Variants in KHDRBS2 observed in about 807,000 individuals in gnomAD.
KHDRBS2 encodes the protein KH domain-containing, RNA-binding, signal transduction-associated protein 2.
A neutral mutation model predicts 44.3 loss-of-function variants in KHDRBS2; 26 were observed. That is an observed-to-expected ratio of 0.59 (90% CI 0.43 to 0.81). The LOEUF is 0.81. Ranked by LOEUF, KHDRBS2 falls within the 40% of genes least tolerant of loss-of-function variation. The pLI is 0.00. For missense variants in KHDRBS2, 476 were observed against 433.1 expected (o/e 1.10, Z -0.88); for synonymous variants, 194 against 151.1 (o/e 1.28, Z -2.08).
At chr6:61,780,377 G>A (rs1782752643) in intron 6 of KHDRBS2, among the ~76,000 whole-genome samples, 1 of 152,104 alleles carries the variant, frequency 6.6e-6, no homozygotes, top group African/African-American at 2.4e-5. Context: ...GCGTGTGCCT[G>A]TAGTCCCAGC....
intron 6 of KHDRBS2, among the ~76,000 whole-genome samples, chr6:61,744,759 T>C (rs1776630708): frequency 6.6e-6 from 1 of 152,116 alleles, no homozygotes; most frequent in African/African-American, 2.4e-5. Flanking sequence ...TAGAGTTCTA[T>C]ATAACATTTT....
At chr6:61,966,469 C>G (rs1769965159) in intron 4 of KHDRBS2, among the ~76,000 whole-genome samples, 1 of 151,898 alleles carries the variant, frequency 6.6e-6, no homozygotes, top group South Asian at 2.1e-4. Flanking sequence ...TTCCCTGGAC[C>G]TCTGTTGTCC....
At chr6:61,596,782 G>T in the KHDRBS2 span, among the ~76,000 whole-genome samples, 93,503 of 151,892 alleles carry the variant, frequency 0.62, 29,005 homozygotes, top group Non-Finnish European at 0.65. Context: ...CTCCTGAGTA[G>T]CTGGGACTAC....
chr6:61,669,103 A>T, the KHDRBS2 span, among the ~76,000 whole-genome samples: 7 of 151,054 alleles, frequency 4.6e-5, no homozygotes, highest in Non-Finnish European at 7.4e-5. Flanking sequence ...AAATAGGCAA[A>T]TATAGACAGG....
At chr6:61,979,580 A>G (rs1468270181) in intron 3 of KHDRBS2, among the ~76,000 whole-genome samples, 3 of 152,150 alleles carry the variant, frequency 2.0e-5, no homozygotes, top group African/African-American at 4.8e-5. Flanking sequence ...GTTCCTGTAT[A>G]TATACCCTTC....
intron 3 of KHDRBS2, among the ~76,000 whole-genome samples, chr6:62,018,229 A>T (rs1286580423): frequency 2.0e-5 from 3 of 151,060 alleles, no homozygotes; most frequent in Non-Finnish European, 4.4e-5. Context: ...ATATTTACGT[A>T]AATATACATC....
chr6:61,807,377 T>A (rs1486425032), intron 6 of KHDRBS2, among the ~76,000 whole-genome samples: 6 of 152,168 alleles, frequency 3.9e-5, no homozygotes, highest in Non-Finnish European at 8.8e-5. Flanking sequence ...ACAGGTATGT[T>A]CATTGTAGCA....
intron 2 of KHDRBS2, among the ~76,000 whole-genome samples, chr6:62,114,018 C>T (rs1805623406): frequency 1.3e-5 from 2 of 152,022 alleles, no homozygotes; most frequent in East Asian, 1.9e-4. Flanking sequence ...CACAAGGCGG[C>T]AGGAGAGATA....
intron 1 of KHDRBS2, among the ~76,000 whole-genome samples, chr6:62,260,856 C>T (rs888520190): frequency 1.3e-5 from 2 of 151,616 alleles, no homozygotes; most frequent in African/African-American, 4.8e-5. Context: ...ATATAAGAAC[C>T]GGGCAAAATT....
intron 6 of KHDRBS2, among the ~76,000 whole-genome samples, chr6:61,846,743 G>A (rs1745074665): frequency 6.6e-6 from 1 of 151,582 alleles, no homozygotes; most frequent in African/African-American, 2.4e-5. Flanking sequence ...GAAACACTGT[G>A]GAATTTGGTA....
In KHDRBS2 at chr6:61,941,090, G is replaced by A. The variant is rs948049228; in HGVS notation, c.483+36976C>T. 5.3e-5 allele frequency among the ~76,000 whole-genome samples: 8 copies of A among 152,260 alleles called. No homozygotes were observed. In the South Asian group the frequency reaches 1.0e-3, roughly 20 times the overall value. On this transcript the variant is annotated intron_variant, in intron 4 of 8. Coordinates refer to ENST00000281156, the MANE Select transcript of KHDRBS2 (RefSeq NM_152688.4). The stretch of plus-strand genomic sequence containing the variant: ...CAATTGGGGGCCTGAGAACAAGCCC[G>A]CCCAGCTTGGCTTTGCCATAGCCCT...
In KHDRBS2 at chr6:61,829,536, C is replaced by G. The variant is rs149170264; in HGVS notation, c.810+65099G>C. 2.8e-4 allele frequency among the ~76,000 whole-genome samples: 42 copies of G among 151,798 alleles called. No homozygotes were observed. In the East Asian group the frequency reaches 7.2e-3, roughly 26 times the overall value. ...AAACTGAATTGAGCAAAAGATTAGC[C>G]CAAGAAGCTTAGATGGTAAAAAAAA... is the stretch of plus-strand genomic sequence containing the variant. On this transcript the variant is annotated intron_variant, in intron 6 of 8. Transcript: ENST00000281156.
intron 2 of KHDRBS2, among the ~76,000 whole-genome samples, chr6:62,065,793 A>G (rs932101612): frequency 4.6e-5 from 7 of 151,256 alleles, no homozygotes; most frequent in Non-Finnish European, 5.9e-5. Flanking sequence ...AAAAAAAAAA[A>G]GAATGATCCA....
intron 2 of KHDRBS2, among the ~76,000 whole-genome samples, chr6:62,130,086 C>T (rs1408152123): frequency 1.3e-5 from 2 of 152,062 alleles, no homozygotes; most frequent in Non-Finnish European, 2.9e-5. Flanking sequence ...CCAAAATGCT[C>T]AGAAGGGACA....
chr6:62,091,294 A>G (rs1397355038), intron 2 of KHDRBS2, among the ~76,000 whole-genome samples: 1 of 148,322 alleles, frequency 6.7e-6, no homozygotes, highest in Non-Finnish European at 1.5e-5. Context: ...TTTATTTTTC[A>G]TTAGATTATG....
At chr6:61,674,586 T>C in the KHDRBS2 span, among the ~76,000 whole-genome samples, 2 of 151,862 alleles carry the variant, frequency 1.3e-5, no homozygotes, top group Admixed American at 6.6e-5. Context: ...ACCAGAAGAT[T>C]CCACTATCAT....
the KHDRBS2 span, among the ~76,000 whole-genome samples, chr6:61,640,793 A>G: frequency 6.6e-6 from 1 of 152,198 alleles, no homozygotes; most frequent in Admixed American, 6.6e-5. Context: ...TTGAATAGAC[A>G]TACCAGAGAT....
the KHDRBS2 span, among the ~76,000 whole-genome samples, chr6:61,586,960 C>CA: frequency 1.3e-5 from 2 of 152,132 alleles, no homozygotes; most frequent in Non-Finnish European, 2.9e-5. Flanking sequence ...AAAACTTGTT[C>CA]AAATTTCTTT....
At chr6:61,725,435 A>T (rs1351290045) in intron 7 of KHDRBS2, among the ~76,000 whole-genome samples, 1 of 152,134 alleles carries the variant, frequency 6.6e-6, no homozygotes, top group Non-Finnish European at 1.5e-5. Context: ...AGACAGGAAT[A>T]ACCCAGATCA....
Sources: gnomAD v4.1 joint callset for allele counts (sites outside exome capture counted in the v4.1 genomes callset) on GRCh38, gnomAD v4.1.1 for gene constraint, MANE v1.5 for transcripts, NCBI Gene and HGNC (gene_info 2026-07-23, HGNC 2026-07-21) for gene names.